The following VPS28 variants were observed in gnomAD, a reference collection of about 807,000 sequenced individuals.
VPS28 encodes VPS28 subunit of ESCRT-I, also known as vacuolar protein sorting-associated protein 28 homolog.
VPS28 carries 29 observed loss-of-function variants against 33.7 expected under a neutral mutation model. The observed-to-expected ratio is 0.86, with a 90% CI of 0.64 to 1.17. VPS28 has a LOEUF of 1.17. VPS28 is among the 50% of genes most tolerant of loss of function. The probability of loss-of-function intolerance (pLI) is 0.00; values close to 1 mark genes in which losing one functional copy is unlikely to be tolerated. For missense variants in VPS28, 247 were observed against 312.2 expected (o/e 0.79, Z 1.57); for synonymous variants, 164 against 116.7 (o/e 1.40, Z -2.61).
Position 144,424,947 on chromosome 8 carries a change from CG to C in VPS28, c.298del (p.Arg100AlafsTer61), listed in dbSNP as rs1822626922. On this transcript the variant is annotated frameshift_variant and splice_region_variant, in exon 6 of 10. Transcript: ENST00000292510. LOFTEE classifies it high-confidence loss of function. ...GGGGTGGAAGGACCAGGCACTCACG[CG>C]GAACTTGCGGCAGAATTCGTCAATA... ...SSIDEFCRKF[R>X]LDCPLAMERI... is the part of the protein sequence containing the mutation. 6.3e-7 allele frequency: 1 copy of C among 1,579,554 alleles called. No homozygotes were observed. The highest frequency in any genetic ancestry group is 8.6e-7 in the Non-Finnish European group (1 of 1,161,858).
Position 144,425,719 on chromosome 8 carries a change from T to C in VPS28, c.158A>G (p.Glu53Gly), listed in dbSNP as rs1822684247. Reference protein sequence around the residue: ...FAVVKTMQALEKAYIKDCVSP... With the variant: ...FAVVKTMQALGKAYIKDCVSP... ...GACACAGTCCTTGATGTAGGCCTTC[T>C]CCAGGGCTTGCATTGTCTTCACCAC... The change falls in exon 5 of 10, where the codon GAG (glutamate) becomes GGG (glycine). Residue 53 changes from glutamate to glycine, a missense_variant. Glu to Gly is a moderately conservative substitution (Grantham distance 98, BLOSUM62 -2). Around this residue, in one of 3 missense-constraint regions of VPS28, gnomAD observed 149 missense variants for 172.8 expected, o/e 0.86. Coordinates refer to ENST00000292510, the MANE Select transcript of VPS28 (RefSeq NM_016208.4). The C allele has an allele frequency of 1.2e-6, 2 of 1,613,786 alleles. No individual in the cohort carries two copies. The highest frequency in any genetic ancestry group is 1.3e-5 in the African/African-American group (1 of 74,926).
At chr8:144,428,246 A>T (rs555468031) in intron 1 of VPS28, among the ~76,000 whole-genome samples, 1 of 152,358 alleles carries the variant, frequency 6.6e-6, no homozygotes, top group East Asian at 1.9e-4. Context: ...CGCCCCAACC[A>T]CGCAGGAGCT....
Position 144,425,761 on chromosome 8 carries a change from A to G in VPS28, c.116T>C (p.Met39Thr). ...CTTCACCACCGCAAACAGCTCTGCC[A>G]TGTTGTCGTACCTGAGGACACACCT... The part of the protein sequence containing the change: ...NAREREKYDN[M>T]AELFAVVKTM... The change falls in exon 5 of 10, where the codon ATG becomes ACG. Residue 39 changes from methionine (M) to threonine (T), a missense_variant. Physicochemically the swap from Met to Thr is moderately conservative, Grantham distance 81. Coordinates refer to ENST00000292510, the MANE Select transcript of VPS28 (RefSeq NM_016208.4). 2 of 1,613,858 alleles carry G rather than the reference A, an allele frequency of 1.2e-6. No homozygotes were observed. Among genetic ancestry groups the G allele is most frequent in the Non-Finnish European group, 8.5e-7 (1 of 1,179,900 alleles).
At chr8:144,426,340 G>C in intron 2 of VPS28, 132 bp from the exon 3 acceptor site, 1 of 1,246,662 alleles carries the variant, frequency 8.0e-7, no homozygotes, top group Non-Finnish European at 1.1e-6. Context: ...GAGGGAGCTG[G>C]AGCACAGAGG....
intron 2 of VPS28, chr8:144,426,418 CATGACA>C: frequency 1.7e-6 from 1 of 593,982 alleles, no homozygotes. Context: ...CCGGGGGCCG[CATGACA>C]GGCCCAGCTC....
In VPS28 at chr8:144,425,746, G is replaced by A. The variant is rs782694126; in HGVS notation, c.131C>T (p.Ala44Val). ...EKYDNMAELF[A>V]VVKTMQALEK... ...CAGGGCTTGCATTGTCTTCACCACC[G>A]CAAACAGCTCTGCCATGTTGTCGTA... The change falls in exon 5 of 10, where the codon GCG becomes GTG. Residue 44 changes from alanine to valine, a missense_variant. By Grantham distance (64) the Ala-to-Val change is moderately conservative. Coordinates refer to ENST00000292510, the MANE Select transcript of VPS28 (RefSeq NM_016208.4). 3 of 1,613,890 alleles carry A rather than the reference G, an allele frequency of 1.9e-6. No homozygotes were observed. Among genetic ancestry groups the A allele is most frequent in the Non-Finnish European group, 2.5e-6 (3 of 1,179,934 alleles).
Position 144,423,822 on chromosome 8 carries a change from G to T in VPS28, c.649C>A (p.Arg217Ser). ...DLESAYNAFNRFLHA is the reference protein window; with the variant it reads ...DLESAYNAFNSFLHA ...CCCCGGGCTCAGGCATGCAGGAAGC[G>T]GTTGAAGGCGTTGTAGGCTGACTCC... is the stretch of plus-strand genomic sequence containing the variant. The change falls in exon 10 of 10, where the codon CGC (arginine) becomes AGC (serine). Residue 217 changes from arginine (R) to serine (S), a missense_variant. By Grantham distance (110) the Arg-to-Ser change is moderately radical. Transcript: ENST00000292510. The T allele has an allele frequency of 6.2e-7, 1 of 1,613,138 alleles. No individual in the cohort carries two copies. Among genetic ancestry groups the T allele is most frequent in the Non-Finnish European group, 8.5e-7 (1 of 1,180,026 alleles).
intron 7 of VPS28, 152 bp from the exon 8 acceptor site, chr8:144,424,420 G>C (rs548489538): frequency 1.2e-5 from 13 of 1,060,530 alleles, no homozygotes; most frequent in Middle Eastern, 3.2e-4. Context: ...GGGTGAACGA[G>C]GTCCTGGCTG....
chr8:144,425,656 C>G (rs1822679156), intron 5 of VPS28, 27 bp downstream of exon 5: 1 of 1,612,004 alleles, frequency 6.2e-7, no homozygotes, highest in South Asian at 1.1e-5. Context: ...AGGGCAGGAA[C>G]AGACCTCCCA....
Position 144,423,925 on chromosome 8 carries a change from G to C in VPS28, c.549-3C>G. 6.2e-7 allele frequency: 1 copy of C among 1,613,122 alleles called. No homozygotes were observed. The highest frequency in any genetic ancestry group is 2.2e-5 in the East Asian group (1 of 44,882). The stretch of plus-strand genomic sequence containing the variant: ...ACATGCCGCTCAGGGTCTGCAGCCT[G>C]GGAGTGCAGCACAGGGCATGTGGGG... On this transcript the variant is annotated splice_polypyrimidine_tract_variant and splice_region_variant and intron_variant, in intron 9 of 9. Transcript: ENST00000292510.
intron 2 of VPS28, chr8:144,426,593 G>A (rs1284758884): frequency 2.2e-6 from 1 of 456,140 alleles, no homozygotes; most frequent in Non-Finnish European, 4.0e-6. Context: ...CCCTGCTCGT[G>A]GCTCATGATG....
At chr8:144,425,897 C>T in intron 4 of VPS28, 125 bp from the exon 5 acceptor site, 1 of 1,516,474 alleles carries the variant, frequency 6.6e-7, no homozygotes, top group Non-Finnish European at 8.9e-7. Context: ...CCTGGAGTGC[C>T]TCAGGAACAG....
chr8:144,424,488 C>T, intron 7 of VPS28: 2 of 804,352 alleles, frequency 2.5e-6, no homozygotes, highest in East Asian at 5.4e-5. Flanking sequence ...TCTCCCGAGG[C>T]CAGGACCCCG....
chr8:144,424,101 G>A lies in VPS28; in HGVS notation c.488C>T (p.Thr163Ile). ...IQPDLRELMETMHRMSHLPPD... is the reference protein window; with the variant it reads ...IQPDLRELMEIMHRMSHLPPD... ...TGGGAGGTGGCTCATGCGGTGCATG[G>A]TCTCCATCAGCTCTCGCAGGTCGGG... Residue 163 changes from threonine (T) to isoleucine (I), a missense_variant, in exon 9 of 10, where the codon ACC becomes ATC. Thr to Ile is a moderately conservative substitution (Grantham distance 89). Around this residue, in one of 3 missense-constraint regions of VPS28, gnomAD observed 95 missense variants for 118.3 expected, o/e 0.80. Coordinates refer to ENST00000292510, the MANE Select transcript of VPS28 (RefSeq NM_016208.4). 6.4e-7 allele frequency: 1 copy of A among 1,554,834 alleles called. No individual in the cohort carries two copies.
At chr8:144,424,156 A>AC (rs1554876010) in intron 8 of VPS28, 24 bp from the exon 9 acceptor site, 1 of 1,551,834 alleles carries the variant, frequency 6.4e-7, no homozygotes. Context: ...AGCGGCTGGG[A>AC]CCCCGACGCC....
intron 4 of VPS28, 63 bp from the exon 5 acceptor site, chr8:144,425,835 A>AC: frequency 6.2e-7 from 1 of 1,604,352 alleles, no homozygotes; most frequent in Non-Finnish European, 8.5e-7. Context: ...CCAGAGTGCT[A>AC]CCCCCTGCCC....
intron 1 of VPS28, among the ~76,000 whole-genome samples, chr8:144,427,815 C>G (rs1822889613): frequency 6.6e-6 from 1 of 152,182 alleles, no homozygotes; most frequent in Admixed American, 6.5e-5. Flanking sequence ...TCAGATCCGC[C>G]GAGGGATTTG....
chr8:144,425,550 G>A (rs899683056), intron 5 of VPS28, 133 bp downstream of exon 5: 7 of 921,310 alleles, frequency 7.6e-6, no homozygotes, highest in Non-Finnish European at 1.1e-5. Flanking sequence ...GAGACCCAGG[G>A]GCACCCTCCT....
intron 7 of VPS28, 124 bp downstream of exon 7, chr8:144,424,594 T>C: frequency 1.8e-6 from 2 of 1,107,344 alleles, no homozygotes; most frequent in Non-Finnish European, 2.6e-6. Flanking sequence ...GTTAAAGGGG[T>C]TCCCTTCTGC....
Sources: allele counts gnomAD v4.1 joint callset (sites outside exome capture counted in the v4.1 genomes callset), GRCh38; gene constraint gnomAD v4.1.1; regional missense constraint gnomAD v4.1.1; transcripts MANE v1.5; gene names NCBI Gene and HGNC (gene_info 2026-07-23, HGNC 2026-07-21).